Variants in CMC1 observed in about 807,000 individuals in gnomAD.
The protein encoded by CMC1 is COX assembly mitochondrial protein homolog.
CMC1 carries 14 observed loss-of-function variants against 14.1 expected under a neutral mutation model. The ratio of observed to expected loss-of-function variants is 0.99; its 90% CI spans 0.66 to 1.55. The LOEUF (loss-of-function observed/expected upper bound fraction) is 1.55, where lower values mean the gene tolerates loss of function less well. Among genes scored for constraint, CMC1 ranks in the 40% most tolerant of loss-of-function variants. CMC1 has a pLI of 0.00. For synonymous variants in CMC1, 50 were observed against 38.4 expected, an observed-to-expected ratio of 1.30 and a Z score of -1.12; for missense variants, 127 against 123.8, an observed-to-expected ratio of 1.03 and a Z score of -0.12.
At chr3:28,260,278 G>A (rs995613858) in intron 1 of CMC1, among the ~76,000 whole-genome samples, 8 of 150,632 alleles carry the variant, frequency 5.3e-5, no homozygotes, top group African/African-American at 1.7e-4. Context: ...TGTAGATTTG[G>A]TGTGTGTGTG....
At chr3:28,317,378 T>C (rs769401853) in intron 3 of CMC1, 1 of 151,980 alleles carries the variant, frequency 6.6e-6, no homozygotes, top group Non-Finnish European at 1.5e-5. Context: ...AGCCCTTATT[T>C]ATGGTCCAGG....
chr3:28,281,023 A>C (rs1160057991), intron 2 of CMC1, among the ~76,000 whole-genome samples: 1 of 152,198 alleles, frequency 6.6e-6, no homozygotes, highest in Non-Finnish European at 1.5e-5. Flanking sequence ...ATGGCCTACA[A>C]AGCCTAAAAT....
In CMC1 at chr3:28,274,087, A is replaced by G. The variant is rs539422131; in HGVS notation, c.109+10707A>G. 2.0e-5 allele frequency among the ~76,000 whole-genome samples: 3 copies of G among 151,986 alleles called. No homozygotes were observed. The South Asian group carries it at 6.2e-4, about 32-fold the overall frequency. ...CTAATTGGGGGCATTTAGCCCATTT[A>G]CATTTAAGGTTAATATTGTTATATG... On this transcript the variant is annotated intron_variant, in intron 2 of 3. Transcript: ENST00000466830.
At chr3:28,284,420 A>C (rs556528150) in intron 2 of CMC1, among the ~76,000 whole-genome samples, 1 of 152,194 alleles carries the variant, frequency 6.6e-6, no homozygotes, top group African/African-American at 2.4e-5. Context: ...TAAATCAGTG[A>C]TCCTCAAACG....
At chr3:28,251,194 AT>A (rs997380080) in intron 1 of CMC1, among the ~76,000 whole-genome samples, 1 of 152,182 alleles carries the variant, frequency 6.6e-6, no homozygotes, top group African/African-American at 2.4e-5. Context: ...TGATGAGAAC[AT>A]TTATGCTGTG....
At chr3:28,245,432 A>G (rs1698774452) in intron 1 of CMC1, among the ~76,000 whole-genome samples, 1 of 152,168 alleles carries the variant, frequency 6.6e-6, no homozygotes. Context: ...TATCAACTAA[A>G]GTAATTCCTT....
At chr3:28,243,917 C>A (rs1206968584) in intron 1 of CMC1, among the ~76,000 whole-genome samples, 1 of 152,162 alleles carries the variant, frequency 6.6e-6, no homozygotes, top group South Asian at 2.1e-4. Flanking sequence ...AGAGATTAGT[C>A]AGTGAAGAGC....
At chr3:28,250,586 T>C (rs1699080822) in intron 1 of CMC1, among the ~76,000 whole-genome samples, 1 of 152,196 alleles carries the variant, frequency 6.6e-6, no homozygotes, top group African/African-American at 2.4e-5. Flanking sequence ...GTTGCTTCTG[T>C]GTACTATATA....
chr3:28,298,252 G>A (rs1701846170), intron 2 of CMC1: 1 of 151,330 alleles, frequency 6.6e-6, no homozygotes, highest in Admixed American at 6.6e-5. Context: ...ATGAATTTTG[G>A]AAATCTATGC....
intron 2 of CMC1, among the ~76,000 whole-genome samples, chr3:28,271,179 C>T (rs887280235): frequency 1.3e-5 from 2 of 152,074 alleles, no homozygotes; most frequent in African/African-American, 4.8e-5. Flanking sequence ...CAGCTCACTG[C>T]AGCCTCTGCC....
At chr3:28,279,149 A>T (rs979197323) in intron 2 of CMC1, among the ~76,000 whole-genome samples, 2 of 152,176 alleles carry the variant, frequency 1.3e-5, no homozygotes, top group Non-Finnish European at 2.9e-5. Flanking sequence ...AGCAGACAGA[A>T]AATAGAAGTC....
chr3:28,314,744 G>T (rs1702807110), intron 2 of CMC1, among the ~76,000 whole-genome samples: 1 of 152,068 alleles, frequency 6.6e-6, no homozygotes, highest in Admixed American at 6.6e-5. Flanking sequence ...ATGCTATAGG[G>T]CTCTTGTCCC....
At chr3:28,290,045 A>T (rs1701389406) in intron 2 of CMC1, among the ~76,000 whole-genome samples, 1 of 152,150 alleles carries the variant, frequency 6.6e-6, no homozygotes, top group South Asian at 2.1e-4. Context: ...TTGAGTGATT[A>T]TGTTTTAACT....
intron 1 of CMC1, among the ~76,000 whole-genome samples, chr3:28,243,419 A>C (rs947768410): frequency 6.6e-6 from 1 of 152,208 alleles, no homozygotes; most frequent in African/African-American, 2.4e-5. Context: ...GAGGAGACTG[A>C]GAATGAGAGA....
At chr3:28,270,339 T>A (rs1700218643) in intron 2 of CMC1, among the ~76,000 whole-genome samples, 1 of 152,212 alleles carries the variant, frequency 6.6e-6, no homozygotes, top group African/African-American at 2.4e-5. Context: ...CACCACACTG[T>A]CTTCCACAAT....
At chr3:28,285,454 G>A (rs529809316) in intron 2 of CMC1, among the ~76,000 whole-genome samples, 1 of 151,874 alleles carries the variant, frequency 6.6e-6, no homozygotes, top group Admixed American at 6.6e-5. Context: ...ATGTTCTCAC[G>A]TATAAGTGGA....
chr3:28,248,227 A>G (rs1429665333), intron 1 of CMC1, among the ~76,000 whole-genome samples: 1 of 152,244 alleles, frequency 6.6e-6, no homozygotes, highest in African/African-American at 2.4e-5. Flanking sequence ...TGTGTAATAA[A>G]TAGTAAATAT....
chr3:28,241,756 G>T lies in CMC1; in HGVS notation c.-38G>T. On this transcript the variant is annotated 5_prime_UTR_variant, in exon 1 of 4. Coordinates refer to ENST00000466830, the MANE Select transcript of CMC1 (RefSeq NM_182523.2). ...TCCACTCCCCTTCCTGCGTGCCCCG[G>T]AGCCGCCAAGCGGCTACGTTCTTCT... 1 of 1,241,800 alleles carries T rather than the reference G, an allele frequency of 8.1e-7. No homozygotes were observed. 76.9% of individuals were successfully genotyped at this position (1,241,800 alleles called of 1,614,324 possible).
intron 2 of CMC1, among the ~76,000 whole-genome samples, chr3:28,287,469 T>G (rs1380942233): frequency 6.6e-6 from 1 of 151,708 alleles, no homozygotes; most frequent in African/African-American, 2.4e-5. Context: ...AGGGAGCAAA[T>G]TTTTTTTTCC....
Sources: allele counts gnomAD v4.1 joint callset (sites outside exome capture counted in the v4.1 genomes callset), GRCh38; gene constraint gnomAD v4.1.1; transcripts MANE v1.5; gene names NCBI Gene and HGNC (gene_info 2026-07-23, HGNC 2026-07-21).